Variants in LACC1 observed in about 807,000 individuals in gnomAD.
LACC1 encodes laccase domain multifunctional purine nucleosidase 1, also known as purine nucleoside phosphorylase LACC1.
Under a neutral mutation model 34.8 loss-of-function variants are expected in LACC1, and 25 were observed. The ratio of observed to expected loss-of-function variants is 0.72; its 90% CI spans 0.52 to 1.00. LACC1 has a LOEUF of 1.00. Among genes scored for constraint, LACC1 ranks in the 50% least tolerant of loss-of-function variants. The pLI is 0.00. For missense variants in LACC1, 426 were observed against 511.2 expected (o/e 0.83, Z 1.61); for synonymous variants, 162 against 168.0 (o/e 0.96, Z 0.28).
chr13:43,888,421 T>A lies in LACC1; in HGVS notation c.908-336T>A, dbSNP rs1278235731. The stretch of plus-strand genomic sequence containing the variant: ...ACTGAACTGTATACTTAGAATAGTA[T>A]TTTTTTGTGGTTATAATAGTAAATT... On this transcript the variant is annotated intron_variant, in intron 4 of 6. Coordinates refer to ENST00000325686, the MANE Select transcript of LACC1 (RefSeq NM_153218.4). 3.3e-5 allele frequency among the ~76,000 whole-genome samples: 5 copies of A among 152,120 alleles called. No homozygotes were observed. The East Asian group carries it at 9.6e-4, about 29-fold the overall frequency.
At chr13:43,879,561 C>G (rs1481519234), upstream of LACC1, 1 of 152,272 alleles carries the variant, frequency 6.6e-6, no homozygotes, top group Admixed American at 6.5e-5. Context: ...TTGGCTCATC[C>G]CGGGATTCCC....
intron 4 of LACC1, among the ~76,000 whole-genome samples, chr13:43,885,042 T>A (rs1304370664): frequency 1.3e-5 from 2 of 152,114 alleles, no homozygotes; most frequent in African/African-American, 4.8e-5. Flanking sequence ...TACAGTTACC[T>A]TAACCAAGGA....
chr13:43,893,225 A>G lies in LACC1; in HGVS notation c.*1778A>G, dbSNP rs1227693069. ...TGTTTGGTATTTCCAAAGGACTTTC[A>G]TGTACATTGCCTCATTTTACCTTTA... On this transcript the variant is annotated 3_prime_UTR_variant, in exon 7 of 7. Coordinates refer to ENST00000325686, the MANE Select transcript of LACC1 (RefSeq NM_153218.4). 6.6e-6 allele frequency: 1 copy of G among 152,092 alleles called. No homozygotes were observed. The highest frequency in any genetic ancestry group is 1.5e-5 in the Non-Finnish European group (1 of 67,910). The allele number at this position is 152,092 out of a possible 1,614,324, so 9.4% of individuals were successfully genotyped here.
intron 1 of LACC1, 49 bp from the exon 2 acceptor site, chr13:43,880,903 C>T: frequency 1.7e-6 from 2 of 1,182,088 alleles, no homozygotes; most frequent in Admixed American, 2.4e-5. Context: ...TCTGTTGTAA[C>T]TATAAGATTT....
At chr13:43,885,926 A>G (rs180703413) in intron 4 of LACC1, among the ~76,000 whole-genome samples, 8 of 152,320 alleles carry the variant, frequency 5.3e-5, no homozygotes, top group African/African-American at 1.7e-4. Context: ...AATCAATCCC[A>G]TTAAAAAATG....
In LACC1 at chr13:43,880,547, C is replaced by T. The variant is rs111514251; in HGVS notation, c.-34-405C>T. On this transcript the variant is annotated intron_variant, in intron 1 of 6. Transcript: ENST00000325686. ...GTGCAGCTCCATTTAGCTTCGTAAA[C>T]TTAAGCCCCCGCATATGAAAGGATG... Among the ~76,000 whole-genome samples the T allele has an allele frequency of 4.9e-4, 74 of 152,336 alleles. 1 individual carries two copies. The highest frequency in any genetic ancestry group is 1.5e-3 in the African/African-American group (64 of 41,580).
In LACC1 at chr13:43,893,431, ATTG is replaced by A. The variant is rs1215131727; in HGVS notation, c.*1987_*1989del. 6.6e-6 allele frequency: 1 copy of A among 151,974 alleles called. No homozygotes were observed. Among genetic ancestry groups the A allele is most frequent in the Non-Finnish European group, 1.5e-5 (1 of 67,860 alleles). 9.4% of individuals were successfully genotyped at this position (151,974 alleles called of 1,614,324 possible). A position where few individuals can be genotyped will look rare whatever the true frequency, so the allele number is the denominator to read the frequency against. ...TTAAAGGGATCTTCATTATACTTTT[ATTG>A]TTAACTTTTTGTTAACATAATTTAT... On this transcript the variant is annotated 3_prime_UTR_variant, in exon 7 of 7. Coordinates refer to ENST00000325686, the MANE Select transcript of LACC1 (RefSeq NM_153218.4).
chr13:43,886,261 T>C (rs1955317338), intron 4 of LACC1, among the ~76,000 whole-genome samples: 1 of 152,170 alleles, frequency 6.6e-6, no homozygotes, highest in Non-Finnish European at 1.5e-5. Context: ...ACTGGGTATA[T>C]ACCCAAAGGA....
chr13:43,886,419 TA>T (rs1201278506), intron 4 of LACC1, among the ~76,000 whole-genome samples: 8 of 152,092 alleles, frequency 5.3e-5, no homozygotes, highest in African/African-American at 1.9e-4. Flanking sequence ...TGGAATACTA[TA>T]AAGCCATAAA....
chr13:43,883,040 G>A (rs991312646), intron 3 of LACC1, among the ~76,000 whole-genome samples: 1 of 152,168 alleles, frequency 6.6e-6, no homozygotes, highest in Admixed American at 6.5e-5. Context: ...GGATGTGGGA[G>A]GAAGCTGGAG....
rs1354360824 is a variant in LACC1, at chr13:43,882,250, T to G, written c.628T>G (p.Phe210Val). The G allele has an allele frequency of 1.2e-6, 2 of 1,613,458 alleles. No individual in the cohort carries two copies. Among genetic ancestry groups the G allele is most frequent in the African/African-American group, 2.7e-5 (2 of 74,906 alleles). ...ATCTTATATACCAACTCTTAGCTCA[T>G]TCAATCTCTTCAGTAGTTCCAAACG... ...GISYIPTLSS[F>V]NLFSSSKRRD... is the part of the protein sequence containing the mutation. Residue 210 changes from phenylalanine to valine, a missense_variant, in exon 3 of 7, where the codon TTC (phenylalanine) becomes GTC (valine). Physicochemically the swap from Phe to Val is conservative, Grantham distance 50. Around this residue, in one of 2 missense-constraint regions of LACC1, gnomAD observed 209 missense variants for 300.3 expected, o/e 0.70. Transcript: ENST00000325686.
At chr13:43,884,344 A>G (rs979492875) in intron 4 of LACC1, among the ~76,000 whole-genome samples, 40 of 152,178 alleles carry the variant, frequency 2.6e-4, no homozygotes, top group African/African-American at 9.2e-4. Context: ...CAATCAAACA[A>G]CAACGAAACC....
rs1156884437 is a variant in LACC1, at chr13:43,880,522, G to A, written c.-35+403G>A. Among the ~76,000 whole-genome samples, 5 of 152,324 alleles carry A rather than the reference G, an allele frequency of 3.3e-5. No individual in the cohort carries two copies. The East Asian group carries it at 9.7e-4, about 29-fold the overall frequency. On this transcript the variant is annotated intron_variant, in intron 1 of 6. Coordinates refer to ENST00000325686, the MANE Select transcript of LACC1 (RefSeq NM_153218.4). ...TATCATCTTAAAACGCGAATTTCGCGTGCAGCTCCATTTAGCTTCGTAAAC... is the reference window on the plus strand; with the variant it reads ...TATCATCTTAAAACGCGAATTTCGCATGCAGCTCCATTTAGCTTCGTAAAC...
chr13:43,882,215 C>A lies in LACC1; in HGVS notation c.593C>A (p.Thr198Lys). Residue 198 changes from threonine (T) to lysine (K), a missense_variant, in exon 3 of 7, where the codon ACA (threonine) becomes AAA (lysine). Around this residue, in one of 2 missense-constraint regions of LACC1, gnomAD observed 209 missense variants for 300.3 expected, o/e 0.70. Transcript: ENST00000325686. Reference sequence around the variant, plus strand: ...TTCATACATGGATTTACTACAAGAACAGGTGGGATATCTTATATACCAACT... The same window carrying A: ...TTCATACATGGATTTACTACAAGAAAAGGTGGGATATCTTATATACCAACT... ...DIFIHGFTTRTGGISYIPTLS... is the reference protein window; with the variant it reads ...DIFIHGFTTRKGGISYIPTLS... 1 of 1,607,250 alleles carries A rather than the reference C, an allele frequency of 6.2e-7. No individual in the cohort carries two copies. Among genetic ancestry groups the A allele is most frequent in the Non-Finnish European group, 8.5e-7 (1 of 1,177,338 alleles).
At chr13:43,889,788 T>A (rs1955488379) in intron 5 of LACC1, among the ~76,000 whole-genome samples, 1 of 152,210 alleles carries the variant, frequency 6.6e-6, no homozygotes, top group Non-Finnish European at 1.5e-5. Context: ...CCAGGTGAAT[T>A]TTGCCTGATA....
Position 43,890,123 on chromosome 13 carries a change from A to G in LACC1, c.1143A>G (p.Leu381=). The G allele has an allele frequency of 6.2e-7, 1 of 1,610,846 alleles. No individual in the cohort carries two copies. Residue 381 remains leucine (L), a synonymous_variant, in exon 6 of 7, where the codon CTA becomes CTG. Transcript: ENST00000325686. ...IDIRKATRIL[L]EQGGILPQNI... ...AAATATTTTTCCTAAGGATTCTTCT[A>G]GAACAGGGAGGAATTCTTCCACAGA... is the stretch of plus-strand genomic sequence containing the variant.
At position 43,883,827 on chromosome 13, in the gene LACC1, TGGAATAAC is replaced by T. The variant is rs775377276; in HGVS notation, c.799_806del (p.Gly267HisfsTer86). ...GAAGAAAGGAGCCTGACTCTTATGA[TGGAATAAC>T]CACAAATCAGAGAGGAGTCACAATA... On this transcript the variant is annotated frameshift_variant, in exon 4 of 7. Coordinates refer to ENST00000325686, the MANE Select transcript of LACC1 (RefSeq NM_153218.4). LOFTEE classifies it high-confidence loss of function. 2 of 1,613,640 alleles carry T rather than the reference TGGAATAAC, an allele frequency of 1.2e-6. No individual in the cohort carries two copies. The highest frequency in any genetic ancestry group is 1.7e-6 in the Non-Finnish European group (2 of 1,179,718).
At chr13:43,884,566 A>T (rs1331833996) in intron 4 of LACC1, among the ~76,000 whole-genome samples, 1 of 152,208 alleles carries the variant, frequency 6.6e-6, no homozygotes, top group Non-Finnish European at 1.5e-5. Flanking sequence ...TTTAACTGTA[A>T]CTATTCTCTG....
intron 5 of LACC1, among the ~76,000 whole-genome samples, chr13:43,889,421 G>T (rs9525867): frequency 6.6e-6 from 1 of 151,932 alleles, no homozygotes; most frequent in South Asian, 2.1e-4. Context: ...ATAAATACAC[G>T]GTTTTTTACT....
Sources: allele counts gnomAD v4.1 joint callset (sites outside exome capture counted in the v4.1 genomes callset), GRCh38; gene constraint gnomAD v4.1.1; regional missense constraint gnomAD v4.1.1; transcripts MANE v1.5; gene names NCBI Gene and HGNC (gene_info 2026-07-23, HGNC 2026-07-21).